The following MLLT10 variants were observed in gnomAD, a reference collection of about 807,000 sequenced individuals.
MLLT10 encodes protein AF-10.
A neutral mutation model predicts 129.1 loss-of-function variants in MLLT10; 30 were observed. The ratio of observed to expected loss-of-function variants is 0.23; its 90% CI spans 0.17 to 0.32. The LOEUF is 0.32. Ranked by LOEUF, MLLT10 falls within the 10% of genes least tolerant of loss-of-function variation. MLLT10 has a pLI of 1.00. For synonymous variants in MLLT10, 490 were observed against 446.4 expected, an observed-to-expected ratio of 1.10 and a Z score of -1.23; for missense variants, 1,119 against 1,268.3, an observed-to-expected ratio of 0.88 and a Z score of 1.79.
rs2131068809 is a variant in MLLT10 at position 21,580,099 on chromosome 10, G to A, written c.241-6195G>A. ...GCAGTATTGCTATTATATTACTGCA[G>A]CCTCAAACTCCCAGGCACAAGTGAT... On this transcript the variant is annotated intron_variant, in intron 3 of 22. Coordinates refer to ENST00000307729, the MANE Select transcript of MLLT10 (RefSeq NM_001195626.3). 2.0e-5 allele frequency among the ~76,000 whole-genome samples: 3 copies of A among 149,396 alleles called. 1 individual carries two copies. Among genetic ancestry groups the A allele is most frequent in the Admixed American group, 2.0e-4 (3 of 14,964 alleles).
chr10:21,541,101 A>G (rs960959540), intron 3 of MLLT10, among the ~76,000 whole-genome samples: 5 of 152,178 alleles, frequency 3.3e-5, no homozygotes, highest in Non-Finnish European at 7.3e-5. Context: ...CAGAGGTTCC[A>G]GTGAGCTGAG....
At chr10:21,683,802 A>C (rs1470884868) in intron 13 of MLLT10, among the ~76,000 whole-genome samples, 1 of 151,160 alleles carries the variant, frequency 6.6e-6, no homozygotes, top group East Asian at 1.9e-4. Flanking sequence ...GTTGGAGTGC[A>C]GTGGCGTGAT....
At chr10:21,599,591 G>T (rs2043330202) in intron 5 of MLLT10, among the ~76,000 whole-genome samples, 1 of 152,030 alleles carries the variant, frequency 6.6e-6, no homozygotes, top group Non-Finnish European at 1.5e-5. Context: ...AAGTGACCCT[G>T]TCTCACTTTG....
chr10:21,625,727 G>A (rs1004343333), intron 8 of MLLT10: 33 of 768,278 alleles, frequency 4.3e-5, no homozygotes, highest in African/African-American at 3.2e-4. Context: ...ACAGAAATGC[G>A]CACTCCATGT....
intron 3 of MLLT10, among the ~76,000 whole-genome samples, chr10:21,551,316 TACATAACACAAA>T (rs2036990442): frequency 6.9e-6 from 1 of 144,822 alleles, no homozygotes; most frequent in Non-Finnish European, 1.5e-5. Context: ...TTTTTTTTTT[TACATAACACAAA>T]TAACTTTTTT....
chr10:21,630,745 C>G (rs1408244085), intron 8 of MLLT10, among the ~76,000 whole-genome samples: 1 of 152,216 alleles, frequency 6.6e-6, no homozygotes, highest in Admixed American at 6.5e-5. Flanking sequence ...CTACCAGCAT[C>G]TATGAAACTG....
Position 21,742,769 on chromosome 10 carries a change from G to A in MLLT10, c.*786G>A. ...ACTGTGGAAAGTGCTGGTGGGGTTT[G>A]CCCTTGATCAAGTGCCTCCATTGTG... On this transcript the variant is annotated 3_prime_UTR_variant, in exon 23 of 23. Transcript: ENST00000307729. 4.4e-6 allele frequency: 1 copy of A among 227,572 alleles called. No individual in the cohort carries two copies. Among genetic ancestry groups the A allele is most frequent in the African/African-American group, 2.2e-5 (1 of 45,150 alleles). The allele number at this position is 227,572 out of a possible 1,614,324, so 14.1% of individuals were successfully genotyped here. A position where few individuals can be genotyped will look rare whatever the true frequency, so the allele number is the denominator to read the frequency against.
intron 9 of MLLT10, chr10:21,661,534 C>A (rs1478819153): frequency 3.9e-5 from 6 of 152,164 alleles, no homozygotes; most frequent in Non-Finnish European, 8.8e-5. Flanking sequence ...TGATAACTTT[C>A]TTTGCTCTGA....
chr10:21,579,397 C>T (rs367860554), intron 3 of MLLT10, among the ~76,000 whole-genome samples: 2 of 151,886 alleles, frequency 1.3e-5, no homozygotes, highest in East Asian at 1.9e-4. Context: ...TTTCAGCCAT[C>T]GTTTCTTCAA....
In MLLT10 at chr10:21,534,478, T is replaced by A; in HGVS notation, c.-43T>A. ...GGGGAATCAGCAAGGACATGGCTCC[T>A]GACTCCTGTGCGGAACGTGAGTGAC... On this transcript the variant is annotated 5_prime_UTR_variant, in exon 1 of 23. Transcript: ENST00000307729. 1.6e-6 allele frequency: 1 copy of A among 636,074 alleles called. No individual in the cohort carries two copies. The allele number at this position is 636,074 out of a possible 1,614,324, so 39.4% of individuals were successfully genotyped here. A position where few individuals can be genotyped will look rare whatever the true frequency, so the allele number is the denominator to read the frequency against.
chr10:21,559,325 G>A (rs905333087), intron 3 of MLLT10, among the ~76,000 whole-genome samples: 1 of 152,038 alleles, frequency 6.6e-6, no homozygotes, highest in Non-Finnish European at 1.5e-5. Flanking sequence ...CTTGTGATCC[G>A]CCTTGGCCTC....
intron 11 of MLLT10, 87 bp from the exon 12 acceptor site, chr10:21,681,245 C>A: frequency 6.7e-7 from 1 of 1,498,364 alleles, no homozygotes. Context: ...AGGTGAATTT[C>A]CCTCCATTTT....
rs1176933731 is a variant in MLLT10, at chr10:21,733,601, TGTATG to T, written c.2496+12_2496+16del. ...TTCCTGTATTAAATCAGGTAATTTTTGTATGGTTATTTTCATCTATGTTGATTTAC... is the reference window on the plus strand; with the variant it reads ...TTCCTGTATTAAATCAGGTAATTTTTGTTATTTTCATCTATGTTGATTTAC... On this transcript the variant is annotated intron_variant, in intron 19 of 22. Coordinates refer to ENST00000307729, the MANE Select transcript of MLLT10 (RefSeq NM_001195626.3). 2.0e-6 allele frequency: 3 copies of T among 1,527,868 alleles called. No homozygotes were observed. Among genetic ancestry groups the T allele is most frequent in the Non-Finnish European group, 2.6e-6 (3 of 1,136,902 alleles). The allele number at this position is 1,527,868 out of a possible 1,614,324, so 94.6% of individuals were successfully genotyped here.
chr10:21,743,159 CTCT>C lies in MLLT10; in HGVS notation c.*1181_*1183del. The C allele has an allele frequency of 1.3e-5, 3 of 229,786 alleles. No homozygotes were observed. The highest frequency in any genetic ancestry group is 2.6e-5 in the Non-Finnish European group (3 of 115,662). The allele number at this position is 229,786 out of a possible 1,614,324, so 14.2% of individuals were successfully genotyped here. A position where few individuals can be genotyped will look rare whatever the true frequency, so the allele number is the denominator to read the frequency against. On this transcript the variant is annotated 3_prime_UTR_variant, in exon 23 of 23. Coordinates refer to ENST00000307729, the MANE Select transcript of MLLT10 (RefSeq NM_001195626.3). ...CCCCACTGAGGATGTCATCATCAAA[CTCT>C]TCTTTGGTGTGTGAATTATTAGTGG...
At chr10:21,704,016 GTTTTTTT>G (rs60982595) in intron 13 of MLLT10, among the ~76,000 whole-genome samples, 6 of 56,614 alleles carry the variant, frequency 1.1e-4, no homozygotes, top group South Asian at 9.4e-4. Flanking sequence ...ATTGTTTTTT[GTTTTTTT>G]TTTTTTTTTT....
chr10:21,665,300 TTG>T (rs1491209137), intron 9 of MLLT10, among the ~76,000 whole-genome samples: 20 of 95,316 alleles, frequency 2.1e-4, no homozygotes, highest in African/African-American at 8.2e-4. Flanking sequence ...TTTGTTTTTT[TTG>T]GGGGGGGGGG....
At chr10:21,706,879 CAGCA>C (rs1437277811) in intron 13 of MLLT10, among the ~76,000 whole-genome samples, 1 of 152,144 alleles carries the variant, frequency 6.6e-6, no homozygotes, top group Non-Finnish European at 1.5e-5. Flanking sequence ...GCTGAAAATG[CAGCA>C]TTTGAGAAGT....
chr10:21,596,906 C>A (rs2043072915), intron 5 of MLLT10, among the ~76,000 whole-genome samples: 1 of 151,876 alleles, frequency 6.6e-6, no homozygotes, highest in African/African-American at 2.4e-5. Flanking sequence ...GGGATTCTAG[C>A]AGGTTAATTT....
intron 8 of MLLT10, among the ~76,000 whole-genome samples, chr10:21,649,885 A>G (rs1213241260): frequency 6.6e-6 from 1 of 152,198 alleles, no homozygotes; most frequent in African/African-American, 2.4e-5. Flanking sequence ...TAGGATGAGA[A>G]GAGCAGTGAT....
Sources: gnomAD v4.1 joint callset for allele counts (sites outside exome capture counted in the v4.1 genomes callset) on GRCh38, gnomAD v4.1.1 for gene constraint, MANE v1.5 for transcripts, NCBI Gene and HGNC (gene_info 2026-07-23, HGNC 2026-07-21) for gene names.